The following AIFM2 variants were observed in gnomAD, a reference collection of about 807,000 sequenced individuals.
AIFM2 encodes AIF family member 2, ferroptosis suppressor, also known as ferroptosis suppressor protein 1.
A neutral mutation model predicts 35.7 loss-of-function variants in AIFM2; 38 were observed. That is an observed-to-expected ratio of 1.06 (90% CI 0.82 to 1.39). The LOEUF (loss-of-function observed/expected upper bound fraction) is 1.39, where lower values mean the gene tolerates loss of function less well. Ranked by LOEUF, AIFM2 falls within the 40% of genes most tolerant of loss-of-function variation. The probability of loss-of-function intolerance (pLI) is 0.00; values close to 1 mark genes in which losing one functional copy is unlikely to be tolerated. For synonymous variants in AIFM2, 185 were observed against 203.5 expected, an observed-to-expected ratio of 0.91 and a Z score of 0.77; for missense variants, 476 against 491.2, an observed-to-expected ratio of 0.97 and a Z score of 0.29.
intron 1 of AIFM2, among the ~76,000 whole-genome samples, chr10:70,127,725 G>A (rs987863249): frequency 1.2e-4 from 18 of 152,272 alleles, no homozygotes; most frequent in Middle Eastern, 3.4e-3. Flanking sequence ...CTGCTTCCCC[G>A]AAAGGGCAAA....
Position 70,114,225 on chromosome 10 carries a change from G to A in AIFM2, c.1075C>T (p.Leu359=). Residue 359 remains leucine, a synonymous_variant, in exon 9 of 9, where the codon CTG becomes TTG. Transcript: ENST00000307864. ...LMVRLTKSRD[L]FVSTSWKTMR... is the part of the protein sequence containing the mutation. Reference sequence around the variant, plus strand: ...GTTTTCCAGCTCGTAGAGACGAACAGGTCCCGGCTCTTGGTCAGCCGAACC... The same window carrying A: ...GTTTTCCAGCTCGTAGAGACGAACAAGTCCCGGCTCTTGGTCAGCCGAACC... 6.2e-7 allele frequency: 1 copy of A among 1,613,928 alleles called. No homozygotes were observed. Among genetic ancestry groups the A allele is most frequent in the South Asian group, 1.1e-5 (1 of 91,080 alleles).
At chr10:70,120,998 G>GT in intron 4 of AIFM2, 94 bp downstream of exon 4, 1 of 1,522,506 alleles carries the variant, frequency 6.6e-7, no homozygotes, top group Non-Finnish European at 8.8e-7. Flanking sequence ...GCAGCTCTGA[G>GT]TAACCCCGTG....
chr10:70,116,518 GA>G, intron 7 of AIFM2, 103 bp downstream of exon 7: 1 of 1,410,556 alleles, frequency 7.1e-7, no homozygotes, highest in Non-Finnish European at 9.8e-7. Flanking sequence ...AAGAAAGGGG[GA>G]AGGCAGCAAG....
chr10:70,121,333 G>GAGGCCCCTCTAGGCACCCGAGGC (rs1230533871), intron 3 of AIFM2, 122 bp from the exon 4 acceptor site: 2 of 1,392,500 alleles, frequency 1.4e-6, no homozygotes, highest in East Asian at 5.3e-5. Context: ...ACCAGGCAAA[G>GAGGCCCCTCTAGGCACCCGAGGC]AGGCCCCTCT....
chr10:70,114,898 A>T, intron 8 of AIFM2, 22 bp downstream of exon 8: 7 of 1,612,394 alleles, frequency 4.3e-6, no homozygotes, highest in Non-Finnish European at 5.9e-6. Context: ...TAAAACTGCA[A>T]AGCACATGGG....
intron 7 of AIFM2, 117 bp downstream of exon 7, chr10:70,116,505 G>T: frequency 1.5e-6 from 2 of 1,310,960 alleles, no homozygotes; most frequent in Non-Finnish European, 1.1e-6. Context: ...CTGAGCTGTT[G>T]GGAAGAAAGG....
rs1397556013 is a variant in AIFM2, at chr10:70,131,716, C to G, written c.-14+1018G>C. ...CACCGGCCTGCCCAGCCCATCACTT[C>G]TGGGCTAGGTAGTGCTAAGCCTGCC... On this transcript the variant is annotated intron_variant, in intron 1 of 8. Coordinates refer to ENST00000307864, the MANE Select transcript of AIFM2 (RefSeq NM_032797.6). This position sits in a 1 kb window ranked among gnomAD's most constrained non-coding sequence, Gnocchi z 4.1. 2.6e-5 allele frequency among the ~76,000 whole-genome samples: 4 copies of G among 152,196 alleles called. No individual in the cohort carries two copies. The East Asian group carries it at 7.7e-4, about 29-fold the overall frequency.
rs2072438732 is a variant in AIFM2 at position 70,116,605 on chromosome 10, G to T, written c.769+17C>A. On this transcript the variant is annotated intron_variant, in intron 7 of 8. Coordinates refer to ENST00000307864, the MANE Select transcript of AIFM2 (RefSeq NM_032797.6). ...AGCAAGGAGGCACAGGGGAAGCCCGGCTGGGCACCTGCTCACCAAACGCTT... is the reference window on the plus strand; with the variant it reads ...AGCAAGGAGGCACAGGGGAAGCCCGTCTGGGCACCTGCTCACCAAACGCTT... 6.2e-7 allele frequency: 1 copy of T among 1,612,564 alleles called. No homozygotes were observed. The highest frequency in any genetic ancestry group is 2.2e-5 in the East Asian group (1 of 44,880).
intron 1 of AIFM2, among the ~76,000 whole-genome samples, chr10:70,132,366 T>G (rs1418641438): frequency 1.3e-5 from 2 of 152,172 alleles, no homozygotes; most frequent in Non-Finnish European, 2.9e-5. Flanking sequence ...CAGCGGACCC[T>G]CGGACGGTCC....
At chr10:70,126,902 A>G (rs2072572821) in intron 1 of AIFM2, among the ~76,000 whole-genome samples, 1 of 135,240 alleles carries the variant, frequency 7.4e-6, no homozygotes, top group Non-Finnish European at 1.6e-5. Context: ...GAGCCCTCGT[A>G]GAGATTAGGA....
At chr10:70,123,878 A>G in intron 2 of AIFM2, 29 bp downstream of exon 2, 1 of 1,507,436 alleles carries the variant, frequency 6.6e-7, no homozygotes, top group Non-Finnish European at 8.9e-7. Context: ...CCCCCCTCAC[A>G]GAGACAGCCC....
chr10:70,121,594 C>T lies in AIFM2; in HGVS notation c.295-383G>A, dbSNP rs192010524. On this transcript the variant is annotated intron_variant, in intron 3 of 8. Transcript: ENST00000307864. ...CCGGGTGTTTTAGAAGAACCCTCCT[C>T]CTGCCTCCGCCAGGAAGAAAAGAAA... 1.9e-3 allele frequency among the ~76,000 whole-genome samples: 295 copies of T among 152,178 alleles called. 1 individual carries two copies. Among genetic ancestry groups the T allele is most frequent in the Non-Finnish European group, 3.6e-3 (243 of 68,012 alleles).
intron 6 of AIFM2, 98 bp from the exon 7 acceptor site, chr10:70,116,872 T>C: frequency 6.7e-7 from 1 of 1,497,408 alleles, no homozygotes; most frequent in Non-Finnish European, 9.1e-7. Context: ...CCTGGACCTC[T>C]GGGGCCCAAC....
intron 1 of AIFM2, among the ~76,000 whole-genome samples, chr10:70,127,141 G>C (rs779353260): frequency 1.3e-5 from 2 of 152,230 alleles, no homozygotes; most frequent in Admixed American, 6.5e-5. Context: ...GAGGCAGGCC[G>C]TGGGTGGCGT....
intron 2 of AIFM2, 72 bp from the exon 3 acceptor site, chr10:70,123,592 C>T: frequency 7.2e-7 from 1 of 1,387,672 alleles, no homozygotes; most frequent in Non-Finnish European, 1.0e-6. Flanking sequence ...TGACTCAGAA[C>T]CTTTCACGAG....
intron 3 of AIFM2, 48 bp from the exon 4 acceptor site, chr10:70,121,259 G>T: frequency 1.4e-6 from 2 of 1,478,758 alleles, no homozygotes; most frequent in Non-Finnish European, 1.8e-6. Flanking sequence ...AAAAGATGAG[G>T]GTAGGGCAGG....
chr10:70,124,143 G>C (rs1423661674), intron 1 of AIFM2, 46 bp from the exon 2 acceptor site: 1 of 1,347,290 alleles, frequency 7.4e-7, no homozygotes, highest in South Asian at 1.9e-5. Flanking sequence ...GGGAGGCTGG[G>C]AGGGCTGGGA....
intron 1 of AIFM2, among the ~76,000 whole-genome samples, chr10:70,129,693 G>A (rs897701472): frequency 6.6e-6 from 1 of 152,018 alleles, no homozygotes; most frequent in Non-Finnish European, 1.5e-5. Flanking sequence ...TTAAGCTTTT[G>A]TATTGTTTGA....
Position 70,131,564 on chromosome 10 carries a change from C to A in AIFM2, c.-14+1170G>T, listed in dbSNP as rs954556415. On this transcript the variant is annotated intron_variant, in intron 1 of 8. Transcript: ENST00000307864. The surrounding 1 kb of genome is among the most constrained non-coding windows in gnomAD (Gnocchi z 4.1). ...GTCATATTCACTCCCGCACAGAAAA[C>A]CTAGGCCAAGCAATTTGTCCATCCT... Among the ~76,000 whole-genome samples, 1 of 152,224 alleles carries A rather than the reference C, an allele frequency of 6.6e-6. No homozygotes were observed. The highest frequency in any genetic ancestry group is 2.4e-5 in the African/African-American group (1 of 41,460).
Sources: gnomAD v4.1 joint callset for allele counts (sites outside exome capture counted in the v4.1 genomes callset) on GRCh38, gnomAD v4.1.1 for gene constraint, Gnocchi (gnomAD v3.1) non-coding constraint, MANE v1.5 for transcripts, NCBI Gene and HGNC (gene_info 2026-07-23, HGNC 2026-07-21) for gene names.